PRKG1: variants seen among roughly 807,000 people sequenced by gnomAD.
PRKG1 encodes cGMP-dependent protein kinase 1.
Under a neutral mutation model 88.1 loss-of-function variants are expected in PRKG1, and 35 were observed. The observed-to-expected ratio is 0.40, with a 90% CI of 0.30 to 0.53. The LOEUF (loss-of-function observed/expected upper bound fraction) is 0.53. PRKG1 is among the 20% of genes least tolerant of loss of function. The pLI is 0.59. For synonymous variants in PRKG1, 303 were observed against 292.5 expected, an observed-to-expected ratio of 1.04 and a Z score of -0.37; for missense variants, 540 against 839.8, an observed-to-expected ratio of 0.64 and a Z score of 4.41.
chr10:51,996,633 A>G (rs1471110354), intron 5 of PRKG1, among the ~76,000 whole-genome samples: 5 of 152,102 alleles, frequency 3.3e-5, no homozygotes, highest in Non-Finnish European at 5.9e-5. Flanking sequence ...GATGATGATA[A>G]TAAGTATTGG....
rs114860369 is a variant in PRKG1, at chr10:51,551,188, A to G, written c.592+83352A>G. Reference sequence around the variant, plus strand: ...AACCAACATGCATTTCACGTTGACAACTCTACATATCATGCTCCAAAGACT... The same window carrying G: ...AACCAACATGCATTTCACGTTGACAGCTCTACATATCATGCTCCAAAGACT... On this transcript the variant is annotated intron_variant, in intron 3 of 17. Transcript: ENST00000373980. Among the ~76,000 whole-genome samples, 651 of 151,892 alleles carry G rather than the reference A, an allele frequency of 4.3e-3. 6 individuals carry two copies. Among genetic ancestry groups the G allele is most frequent in the African/African-American group, 0.015 (614 of 41,512 alleles).
At chr10:51,934,123 G>A (rs956662447) in intron 5 of PRKG1, among the ~76,000 whole-genome samples, 2 of 151,974 alleles carry the variant, frequency 1.3e-5, no homozygotes, top group East Asian at 3.9e-4. Flanking sequence ...GAAAAGCTTT[G>A]CTCATATGAT....
intron 2 of PRKG1, among the ~76,000 whole-genome samples, chr10:51,215,506 C>G (rs1016279358): frequency 6.6e-6 from 1 of 152,082 alleles, no homozygotes; most frequent in African/African-American, 2.4e-5. Context: ...GGGAAGACAG[C>G]TGAATAGAAA....
intron 5 of PRKG1, among the ~76,000 whole-genome samples, chr10:51,944,889 T>C (rs1231841855): frequency 6.6e-6 from 1 of 151,942 alleles, no homozygotes; most frequent in Non-Finnish European, 1.5e-5. Flanking sequence ...GTGGTCAGTT[T>C]TGGAATAGGT....
chr10:51,426,979 T>G (rs1449031699), intron 2 of PRKG1, among the ~76,000 whole-genome samples: 1 of 152,202 alleles, frequency 6.6e-6, no homozygotes, highest in African/African-American at 2.4e-5. Context: ...TCAAGGTTTG[T>G]CTGGTTGGTT....
At chr10:52,230,618 C>T (rs1394224858) in intron 9 of PRKG1, 1 of 152,178 alleles carries the variant, frequency 6.6e-6, no homozygotes, top group African/African-American at 2.4e-5. Flanking sequence ...ATATTACTGC[C>T]TCCTTTATGC....
At position 51,093,349 on chromosome 10, in the gene PRKG1, G is replaced by C. The variant is rs530963629; in HGVS notation, c.311+18448G>C. ...TGGGAATTTAGAGCTGAATGTGGCA[G>C]ACTGTACATAAACACTATTGGAAGC... On this transcript the variant is annotated intron_variant, in intron 1 of 17. Transcript: ENST00000373980. Among the ~76,000 whole-genome samples the C allele has an allele frequency of 2.0e-5, 3 of 152,224 alleles. No homozygotes were observed. The South Asian group carries it at 6.2e-4, about 32-fold the overall frequency.
rs61150252 is a variant in PRKG1, at chr10:51,979,410, G to GTTTTTTTTTTTT, written c.762+71853_762+71864dup. Among the ~76,000 whole-genome samples, 304 of 47,058 alleles carry GTTTTTTTTTTTT rather than the reference G, an allele frequency of 6.5e-3. 22 individuals are homozygous for GTTTTTTTTTTTT. Among genetic ancestry groups the GTTTTTTTTTTTT allele is most frequent in the Middle Eastern group, 0.038 (1 of 26 alleles). The allele number at this position is 47,058 out of a possible 152,430, so 30.9% of individuals were successfully genotyped here. ...CAATATTCATCATGGATATTGGTCT[G>GTTTTTTTTTTTT]TTTTTTTTTTTTTTTTTTTTTTTTC... On this transcript the variant is annotated intron_variant, in intron 5 of 17. Coordinates refer to ENST00000373980, the MANE Select transcript of PRKG1 (RefSeq NM_006258.4).
At chr10:51,026,333 T>G (rs1386244461) in intron 1 of PRKG1, among the ~76,000 whole-genome samples, 1 of 152,168 alleles carries the variant, frequency 6.6e-6, no homozygotes, top group Non-Finnish European at 1.5e-5. Flanking sequence ...CATGCCCTCA[T>G]GGGGAGAAAT....
chr10:51,954,765 T>A (rs112614513), intron 5 of PRKG1, among the ~76,000 whole-genome samples: 44 of 152,312 alleles, frequency 2.9e-4, no homozygotes, highest in Middle Eastern at 3.4e-3. Flanking sequence ...AACCATAGTA[T>A]TCACTCTGCT....
chr10:51,012,296 G>A (rs1372543084), intron 1 of PRKG1, among the ~76,000 whole-genome samples: 2 of 152,222 alleles, frequency 1.3e-5, no homozygotes, highest in Non-Finnish European at 2.9e-5. Context: ...ACAATAAGTA[G>A]TGAATATTCA....
At chr10:51,078,640 G>A (rs9414808) in intron 1 of PRKG1, among the ~76,000 whole-genome samples, 37,632 of 146,348 alleles carry the variant, frequency 0.26, 4,990 homozygotes, top group African/African-American at 0.31. Context: ...TTATTGAGAC[G>A]GAGTCTCGCT....
At chr10:51,130,090 G>C (rs1380833264) in intron 1 of PRKG1, among the ~76,000 whole-genome samples, 1 of 152,130 alleles carries the variant, frequency 6.6e-6, no homozygotes, top group African/African-American at 2.4e-5. Flanking sequence ...TGGAAAACTG[G>C]GGACCTGATT....
chr10:51,530,845 G>A (rs1318451363), intron 3 of PRKG1, among the ~76,000 whole-genome samples: 1 of 152,120 alleles, frequency 6.6e-6, no homozygotes, highest in Non-Finnish European at 1.5e-5. Context: ...TGTTGAAGAT[G>A]TTTGTTCTCT....
chr10:52,110,289 G>T (rs1847531265), intron 7 of PRKG1, among the ~76,000 whole-genome samples: 2 of 152,002 alleles, frequency 1.3e-5, no homozygotes, highest in South Asian at 4.2e-4. Context: ...CGGAGATCGC[G>T]CCACTGCACT....
At chr10:51,019,688 A>G (rs1403396573) in intron 1 of PRKG1, among the ~76,000 whole-genome samples, 5 of 152,124 alleles carry the variant, frequency 3.3e-5, no homozygotes, top group Non-Finnish European at 7.4e-5. Context: ...AAAAGACAAT[A>G]TCAACAAAGT....
intron 1 of PRKG1, among the ~76,000 whole-genome samples, chr10:51,019,644 T>G (rs1235733902): frequency 6.6e-6 from 1 of 151,794 alleles, no homozygotes; most frequent in African/African-American, 2.4e-5. Flanking sequence ...ATAGACAAAT[T>G]GGACTTCATG....
chr10:51,841,136 C>T (rs1840264785), intron 4 of PRKG1, among the ~76,000 whole-genome samples: 2 of 152,128 alleles, frequency 1.3e-5, no homozygotes, highest in African/African-American at 4.8e-5. Flanking sequence ...TTTTAAAATG[C>T]CTCCTGGCCT....
In PRKG1 at chr10:51,448,135, C is replaced by T. The variant is rs544976063; in HGVS notation, c.479-19588C>T. On this transcript the variant is annotated intron_variant, in intron 2 of 17. Coordinates refer to ENST00000373980, the MANE Select transcript of PRKG1 (RefSeq NM_006258.4). ...TGGTGGTGCTTGCCTGTAATCCTAG[C>T]GACTCAGGAGGCTGAGGTGGGAGAA... Among the ~76,000 whole-genome samples, 15 of 151,930 alleles carry T rather than the reference C, an allele frequency of 9.9e-5. No homozygotes were observed. In the East Asian group the frequency reaches 1.4e-3, roughly 14 times the overall value.
Sources: gnomAD v4.1 joint callset for allele counts (sites outside exome capture counted in the v4.1 genomes callset) on GRCh38, gnomAD v4.1.1 for gene constraint, MANE v1.5 for transcripts, NCBI Gene and HGNC (gene_info 2026-07-23, HGNC 2026-07-21) for gene names.